The following PAWR variants were observed in gnomAD, a reference collection of about 807,000 sequenced individuals.
PAWR encodes the protein pro-apoptotic WT1 regulator, also known as PRKC apoptosis WT1 regulator protein.
PAWR carries 23 observed loss-of-function variants against 32.0 expected under a neutral mutation model. That is an observed-to-expected ratio of 0.72 (90% CI 0.52 to 1.02). The LOEUF is 1.02. Ranked by LOEUF, PAWR falls within the 50% of genes least tolerant of loss-of-function variation. The pLI is 0.00. For synonymous variants in PAWR, 226 were observed against 187.1 expected, an observed-to-expected ratio of 1.21 and a Z score of -1.70; for missense variants, 457 against 437.7, an observed-to-expected ratio of 1.04 and a Z score of -0.39.
chr12:79,656,025 A>G (rs1045453752), intron 2 of PAWR, among the ~76,000 whole-genome samples: 3 of 152,338 alleles, frequency 2.0e-5, no homozygotes, highest in Non-Finnish European at 4.4e-5. Context: ...CTTCAGGCAA[A>G]GGGTAGTAAA....
Position 79,590,308 on chromosome 12 carries a change from T to C in PAWR, c.*2299A>G, listed in dbSNP as rs1873513239. The C allele has an allele frequency of 3.3e-5, 5 of 151,946 alleles. 1 individual carries two copies. Among genetic ancestry groups the C allele is most frequent in the Admixed American group, 3.3e-4 (5 of 15,230 alleles). 9.4% of individuals were successfully genotyped at this position (151,946 alleles called of 1,614,324 possible). On this transcript the variant is annotated 3_prime_UTR_variant, in exon 7 of 7. Coordinates refer to ENST00000328827, the MANE Select transcript of PAWR (RefSeq NM_002583.4). ...TCTGTCTCCTGGGTTTTCAAGCGAT[T>C]CTCCTGCCTCAGCCTCCTGAGTAGC...
chr12:79,648,505 T>C (rs1249006656), intron 2 of PAWR, among the ~76,000 whole-genome samples: 1 of 151,772 alleles, frequency 6.6e-6, no homozygotes, highest in Non-Finnish European at 1.5e-5. Context: ...TAATGTGTAT[T>C]ATTTGCATAA....
intron 2 of PAWR, among the ~76,000 whole-genome samples, chr12:79,687,278 C>G (rs1411635969): frequency 1.3e-5 from 2 of 152,124 alleles, no homozygotes; most frequent in Non-Finnish European, 2.9e-5. Context: ...CTAGTCAATT[C>G]TGGTATCTTT....
intron 4 of PAWR, chr12:79,596,891 T>C (rs1264640023): frequency 2.4e-6 from 1 of 418,138 alleles, no homozygotes; most frequent in Non-Finnish European, 4.2e-6. Context: ...TAACGAACAC[T>C]GTTCTGGATA....
At chr12:79,655,107 C>T (rs189585247) in intron 2 of PAWR, among the ~76,000 whole-genome samples, 1 of 152,290 alleles carries the variant, frequency 6.6e-6, no homozygotes, top group Non-Finnish European at 1.5e-5. Context: ...TGTAGCATCT[C>T]TTTTAGTTTT....
chr12:79,598,535 G>A (rs1056117794), intron 4 of PAWR, among the ~76,000 whole-genome samples: 30 of 152,000 alleles, frequency 2.0e-4, no homozygotes, highest in African/African-American at 1.2e-4. Context: ...CAGTTAAATC[G>A]AAAGTGACTT....
At position 79,592,520 on chromosome 12, in the gene PAWR, T is replaced by G. The variant is rs947182658; in HGVS notation, c.*87A>C. On this transcript the variant is annotated 3_prime_UTR_variant, in exon 7 of 7. Transcript: ENST00000328827. Reference sequence around the variant, plus strand: ...TACTTGCTTAGTTATTTTAATGTATTGCAGCATAGGAATATTGTGCTAGCA... The same window carrying G: ...TACTTGCTTAGTTATTTTAATGTATGGCAGCATAGGAATATTGTGCTAGCA... 4.7e-6 allele frequency: 3 copies of G among 641,676 alleles called. No individual in the cohort carries two copies. Among genetic ancestry groups the G allele is most frequent in the Non-Finnish European group, 8.2e-6 (3 of 363,902 alleles). 39.7% of individuals were successfully genotyped at this position (641,676 alleles called of 1,614,324 possible). A position where few individuals can be genotyped will look rare whatever the true frequency, so the allele number is the denominator to read the frequency against.
chr12:79,627,501 C>T (rs796090646), intron 2 of PAWR, among the ~76,000 whole-genome samples: 1 of 151,914 alleles, frequency 6.6e-6, no homozygotes, highest in African/African-American at 2.4e-5. Flanking sequence ...CCCTTTGTCA[C>T]ATGAGTAGGT....
At chr12:79,671,107 G>A (rs1877873829) in intron 2 of PAWR, among the ~76,000 whole-genome samples, 2 of 84,878 alleles carry the variant, frequency 2.4e-5, no homozygotes, top group African/African-American at 4.9e-5. Flanking sequence ...TGGGCAAAAA[G>A]CAAGACCTTA....
At chr12:79,661,370 C>T (rs1173850070) in intron 2 of PAWR, among the ~76,000 whole-genome samples, 2 of 151,734 alleles carry the variant, frequency 1.3e-5, no homozygotes, top group African/African-American at 2.4e-5. Flanking sequence ...ATTTCAAATC[C>T]ATTATGCCAT....
At chr12:79,682,969 C>T (rs934804137) in intron 2 of PAWR, among the ~76,000 whole-genome samples, 6 of 152,130 alleles carry the variant, frequency 3.9e-5, no homozygotes, top group Admixed American at 6.5e-5. Flanking sequence ...TTTATAAACA[C>T]AAGTATATGC....
intron 2 of PAWR, among the ~76,000 whole-genome samples, chr12:79,646,813 T>G (rs554816192): frequency 6.6e-6 from 1 of 152,194 alleles, no homozygotes; most frequent in Non-Finnish European, 1.5e-5. Flanking sequence ...AGCTAGTATA[T>G]AGAACCTGTA....
In PAWR at chr12:79,690,023, CG is replaced by C; in HGVS notation, c.221del (p.Pro74ArgfsTer16). ...AAANELNNNL[P>X]GGAPAAPAVP... ...CGGCAGGTGCGGCCGGCGCGCCGCCCGGGAGGTTGTTGTTGAGCTCGTTGGC... is the reference window on the plus strand; with the variant it reads ...CGGCAGGTGCGGCCGGCGCGCCGCCCGGAGGTTGTTGTTGAGCTCGTTGGC... On this transcript the variant is annotated frameshift_variant, in exon 2 of 7. Transcript: ENST00000328827. LOFTEE classifies it high-confidence loss of function. The C allele has an allele frequency of 7.6e-7, 1 of 1,314,160 alleles. No individual in the cohort carries two copies. The highest frequency in any genetic ancestry group is 9.6e-7 in the Non-Finnish European group (1 of 1,038,690). The allele number at this position is 1,314,160 out of a possible 1,614,324, so 81.4% of individuals were successfully genotyped here.
chr12:79,664,000 A>G (rs1280148250), intron 2 of PAWR, among the ~76,000 whole-genome samples: 2 of 152,236 alleles, frequency 1.3e-5, no homozygotes, highest in Non-Finnish European at 2.9e-5. Flanking sequence ...AGTATTGGCA[A>G]ATATGAAATT....
intron 2 of PAWR, among the ~76,000 whole-genome samples, chr12:79,686,880 A>T (rs1878705966): frequency 6.6e-6 from 1 of 152,142 alleles, no homozygotes; most frequent in African/African-American, 2.4e-5. Context: ...TTTTTCATGT[A>T]ATTATGCCTT....
chr12:79,676,299 A>T (rs904609720), intron 2 of PAWR, among the ~76,000 whole-genome samples: 2 of 152,172 alleles, frequency 1.3e-5, no homozygotes, highest in Non-Finnish European at 2.9e-5. Context: ...TTCTTCACCC[A>T]TAATTAATAA....
chr12:79,593,142 A>C (rs1185410556), intron 6 of PAWR, among the ~76,000 whole-genome samples: 1 of 152,160 alleles, frequency 6.6e-6, no homozygotes, highest in Admixed American at 6.5e-5. Context: ...TTCTAGATGC[A>C]CTCCTACCAC....
chr12:79,660,288 T>C (rs563759773), intron 2 of PAWR, among the ~76,000 whole-genome samples: 1 of 152,310 alleles, frequency 6.6e-6, no homozygotes, highest in African/African-American at 2.4e-5. Flanking sequence ...ATAGTGGCAC[T>C]GACAGGAATC....
chr12:79,654,648 G>A (rs1592534011), intron 2 of PAWR, among the ~76,000 whole-genome samples: 2 of 152,198 alleles, frequency 1.3e-5, no homozygotes, highest in South Asian at 4.2e-4. Context: ...TTGACTCACA[G>A]TTCCACATGG....
Sources: allele counts gnomAD v4.1 joint callset (sites outside exome capture counted in the v4.1 genomes callset), GRCh38; gene constraint gnomAD v4.1.1; transcripts MANE v1.5; gene names NCBI Gene and HGNC (gene_info 2026-07-23, HGNC 2026-07-21).